The following GLIS3 variants were observed in gnomAD, a reference collection of about 807,000 sequenced individuals.
GLIS3 encodes the protein zinc finger protein GLIS3.
A neutral mutation model predicts 78.6 loss-of-function variants in GLIS3; 53 were observed. The ratio of observed to expected loss-of-function variants is 0.67; its 90% confidence interval spans 0.54 to 0.85. The LOEUF is 0.85. Ranked by LOEUF, GLIS3 falls within the 40% of genes least tolerant of loss-of-function variation. GLIS3 has a pLI of 0.00. For synonymous variants in GLIS3, 684 were observed against 509.9 expected, an observed-to-expected ratio of 1.34 and a Z score of -4.60; for missense variants, 1,703 against 1,231.1, an observed-to-expected ratio of 1.38 and a Z score of -5.74.
chr9:4,002,603 G>A (rs1320572740), intron 4 of GLIS3, among the ~76,000 whole-genome samples: 1 of 152,114 alleles, frequency 6.6e-6, no homozygotes, highest in Non-Finnish European at 1.5e-5. Context: ...CTGTGACAGA[G>A]GCTATTGATT....
intron 4 of GLIS3, among the ~76,000 whole-genome samples, chr9:4,031,967 G>C (rs1313854544): frequency 5.3e-5 from 8 of 152,336 alleles, no homozygotes; most frequent in South Asian, 2.1e-4. Context: ...GATAGCAAGA[G>C]TCTAGACAGA....
At chr9:4,485,149 G>C in the GLIS3 span, among the ~76,000 whole-genome samples, 1 of 151,844 alleles carries the variant, frequency 6.6e-6, no homozygotes, top group African/African-American at 2.4e-5. Flanking sequence ...CGAGTAGCTG[G>C]GATTACAGGC....
the GLIS3 span, among the ~76,000 whole-genome samples, chr9:4,397,379 G>C: frequency 6.6e-6 from 1 of 151,534 alleles, no homozygotes; most frequent in African/African-American, 2.4e-5. Flanking sequence ...TTAACCTATT[G>C]CAAGTTTGAA....
At position 4,297,919 on chromosome 9, in the gene GLIS3, A is replaced by T. The variant is rs1333806678; in HGVS notation, c.-99+1502T>A. ...GGACTGGCTTCGCTGCCGGGGTCGG[A>T]GATTCCTCGGCGCGGAGCTAGGGGC... On this transcript the variant is annotated intron_variant, in intron 1 of 10. Coordinates refer to ENST00000381971, the MANE Select transcript of GLIS3 (RefSeq NM_001042413.2). 4.0e-5 allele frequency among the ~76,000 whole-genome samples: 6 copies of T among 151,636 alleles called. No homozygotes were observed. In the East Asian group the frequency reaches 1.2e-3, roughly 30 times the overall value.
At chr9:4,151,691 A>T (rs1213842408) in intron 2 of GLIS3, among the ~76,000 whole-genome samples, 1 of 152,162 alleles carries the variant, frequency 6.6e-6, no homozygotes, top group African/African-American at 2.4e-5. Context: ...CTAAGGAAAA[A>T]ATCTGCCTTC....
the GLIS3 span, among the ~76,000 whole-genome samples, chr9:4,375,357 GAA>G: frequency 1.3e-5 from 2 of 152,160 alleles, no homozygotes; most frequent in African/African-American, 2.4e-5. Flanking sequence ...GGTACAGAGA[GAA>G]AAGGGATATA....
chr9:4,413,076 A>G, the GLIS3 span, among the ~76,000 whole-genome samples: 1 of 152,242 alleles, frequency 6.6e-6, no homozygotes, highest in Non-Finnish European at 1.5e-5. Flanking sequence ...TACCCTAACA[A>G]ATACAACATG....
chr9:3,923,487 A>T (rs1825027247), intron 6 of GLIS3, among the ~76,000 whole-genome samples: 1 of 152,236 alleles, frequency 6.6e-6, no homozygotes, highest in Non-Finnish European at 1.5e-5. Flanking sequence ...TAGAGATATT[A>T]AAGGAGAATT....
At chr9:4,144,532 T>C (rs1012639571) in intron 2 of GLIS3, among the ~76,000 whole-genome samples, 1 of 152,162 alleles carries the variant, frequency 6.6e-6, no homozygotes, top group Non-Finnish European at 1.5e-5. Flanking sequence ...CATGAGCTCA[T>C]TGGACTCTAC....
chr9:4,394,494 C>T, the GLIS3 span, among the ~76,000 whole-genome samples: 1 of 152,048 alleles, frequency 6.6e-6, no homozygotes, highest in Non-Finnish European at 1.5e-5. Context: ...TCTTGAACAA[C>T]AAGCACGGGA....
At chr9:4,245,705 C>T (rs1362713442) in intron 2 of GLIS3, among the ~76,000 whole-genome samples, 1 of 152,112 alleles carries the variant, frequency 6.6e-6, no homozygotes, top group South Asian at 2.1e-4. Context: ...CGCTAATTAT[C>T]CTGATTTGAT....
chr9:3,890,993 G>C (rs1418704512), intron 7 of GLIS3, among the ~76,000 whole-genome samples: 1 of 142,904 alleles, frequency 7.0e-6, no homozygotes, highest in African/African-American at 2.6e-5. Context: ...ACATATTTCA[G>C]TTTTCTTTTA....
At chr9:4,112,171 C>A (rs558233262) in intron 4 of GLIS3, among the ~76,000 whole-genome samples, 3 of 152,168 alleles carry the variant, frequency 2.0e-5, no homozygotes, top group Non-Finnish European at 2.9e-5. Context: ...AGACTCCTCC[C>A]AAACTTCGAC....
chr9:4,385,739 A>G, the GLIS3 span, among the ~76,000 whole-genome samples: 33 of 41,828 alleles, frequency 7.9e-4, no homozygotes, highest in East Asian at 2.6e-3. Context: ...AAGAAAGAAA[A>G]AGAAAGAAAG....
intron 2 of GLIS3, among the ~76,000 whole-genome samples, chr9:4,324,750 A>G (rs953334697): frequency 2.1e-4 from 32 of 152,094 alleles, no homozygotes; most frequent in African/African-American, 7.7e-4. Context: ...AAATCACTTG[A>G]TTTGCTTTGT....
Position 4,059,846 on chromosome 9 carries a change from G to GAA in GLIS3, c.1710+57921_1710+57922insTT, listed in dbSNP as rs1826493957. Reference sequence around the variant, plus strand: ...TGTGTGTGTGAGAGAGAGAGAGAGAGAGAGAGAGAGAGAGAGAGAGAAAGA... The same window carrying GAA: ...TGTGTGTGTGAGAGAGAGAGAGAGAGAAAGAGAGAGAGAGAGAGAGAGAAAGA... On this transcript the variant is annotated intron_variant, in intron 4 of 10. Transcript: ENST00000381971. 2.6e-5 allele frequency among the ~76,000 whole-genome samples: 4 copies of GAA among 151,286 alleles called. No homozygotes were observed. In the South Asian group the frequency reaches 8.5e-4, roughly 32 times the overall value.
At chr9:4,405,376 AG>A in the GLIS3 span, among the ~76,000 whole-genome samples, 3 of 151,534 alleles carry the variant, frequency 2.0e-5, no homozygotes, top group African/African-American at 4.9e-5. Flanking sequence ...AAAAAGAAAA[AG>A]AAAAAAGAAA....
chr9:4,214,752 A>G (rs1015282757), intron 2 of GLIS3, among the ~76,000 whole-genome samples: 10 of 152,236 alleles, frequency 6.6e-5, no homozygotes, highest in African/African-American at 2.4e-4. Context: ...AATTTTCCTT[A>G]GCTACTGTGG....
the GLIS3 span, among the ~76,000 whole-genome samples, chr9:4,392,727 G>C: frequency 1.3e-5 from 2 of 152,174 alleles, no homozygotes; most frequent in Admixed American, 1.3e-4. Context: ...GTTTCTGAAT[G>C]AATTAATTAT....
Sources: gnomAD v4.1 joint callset for allele counts (sites outside exome capture counted in the v4.1 genomes callset) on GRCh38, gnomAD v4.1.1 for gene constraint, MANE v1.5 for transcripts, NCBI Gene and HGNC (gene_info 2026-07-23, HGNC 2026-07-21) for gene names.